Variants in RSRC1 observed in about 807,000 individuals in gnomAD.
RSRC1 encodes the protein arginine and serine rich coiled-coil 1.
Under a neutral mutation model 49.1 loss-of-function variants are expected in RSRC1, and 39 were observed. The observed-to-expected ratio is 0.79, with a 90% CI of 0.61 to 1.04. The LOEUF (loss-of-function observed/expected upper bound fraction) is 1.04, where lower values mean the gene tolerates loss of function less well. Among genes scored for constraint, RSRC1 ranks in the 50% least tolerant of loss-of-function variants. RSRC1 has a pLI of 0.00. For missense variants in RSRC1, 388 were observed against 402.4 expected (o/e 0.96, Z 0.31); for synonymous variants, 143 against 130.8 (o/e 1.09, Z -0.63).
At chr3:158,482,645 A>G (rs1738657540) in intron 7 of RSRC1, among the ~76,000 whole-genome samples, 1 of 152,072 alleles carries the variant, frequency 6.6e-6, no homozygotes, top group African/African-American at 2.4e-5. Flanking sequence ...CTCCAGTGCC[A>G]TAAAAGAAAA....
chr3:158,111,341 G>A (rs1276622450), intron 1 of RSRC1, among the ~76,000 whole-genome samples: 2 of 152,204 alleles, frequency 1.3e-5, no homozygotes, highest in Admixed American at 6.5e-5. Context: ...AATCTGAAAC[G>A]ACAAAAACAG....
intron 7 of RSRC1, among the ~76,000 whole-genome samples, chr3:158,478,648 C>T (rs1167531668): frequency 1.3e-5 from 2 of 151,882 alleles, no homozygotes; most frequent in African/African-American, 4.8e-5. Flanking sequence ...TTATAACCTC[C>T]CCCTCCCTTC....
chr3:158,334,143 AAAG>A (rs1222555031), intron 5 of RSRC1, among the ~76,000 whole-genome samples: 2 of 152,214 alleles, frequency 1.3e-5, no homozygotes, highest in Admixed American at 6.5e-5. Context: ...ATGCTAAATA[AAAG>A]AAGATACTAA....
Position 158,414,019 on chromosome 3 carries a change from G to T in RSRC1, c.584-46916G>T, listed in dbSNP as rs183197043. 1.5e-3 allele frequency among the ~76,000 whole-genome samples: 234 copies of T among 151,810 alleles called. 1 individual carries two copies. Among genetic ancestry groups the T allele is most frequent in the African/African-American group, 5.5e-3 (226 of 41,396 alleles). ...CAAAGGAATTACTGGGTATACACTGGGTATATACCCAAAAGAATATAAATT... is the reference window on the plus strand; with the variant it reads ...CAAAGGAATTACTGGGTATACACTGTGTATATACCCAAAAGAATATAAATT... On this transcript the variant is annotated intron_variant, in intron 6 of 9. Transcript: ENST00000611884.
chr3:158,155,949 G>C (rs538959563), intron 3 of RSRC1, among the ~76,000 whole-genome samples: 1 of 152,218 alleles, frequency 6.6e-6, no homozygotes, highest in East Asian at 1.9e-4. Flanking sequence ...TTTTAAAGTC[G>C]CCAGGTGGGT....
intron 5 of RSRC1, among the ~76,000 whole-genome samples, chr3:158,353,596 C>G (rs983653685): frequency 6.6e-6 from 1 of 152,206 alleles, no homozygotes; most frequent in Non-Finnish European, 1.5e-5. Context: ...TCATCTACCA[C>G]TCTTCCATCT....
intron 4 of RSRC1, among the ~76,000 whole-genome samples, chr3:158,266,214 T>G (rs1249485795): frequency 1.3e-5 from 2 of 152,156 alleles, no homozygotes; most frequent in African/African-American, 4.8e-5. Flanking sequence ...TTCTTTTTCA[T>G]CATTTTTTCT....
intron 3 of RSRC1, among the ~76,000 whole-genome samples, chr3:158,201,904 A>G (rs1317023124): frequency 6.6e-6 from 1 of 152,158 alleles, no homozygotes; most frequent in African/African-American, 2.4e-5. Context: ...TTTATCCTGG[A>G]CAAAGTGAAT....
chr3:158,453,955 A>AT (rs1408099130), intron 6 of RSRC1, among the ~76,000 whole-genome samples: 1 of 152,098 alleles, frequency 6.6e-6, no homozygotes, highest in African/African-American at 2.4e-5. Flanking sequence ...TTGATTAAAT[A>AT]TAAACTATTC....
chr3:158,423,257 G>A (rs910051677), intron 6 of RSRC1, among the ~76,000 whole-genome samples: 3 of 152,200 alleles, frequency 2.0e-5, no homozygotes, highest in South Asian at 2.1e-4. Context: ...TTTTGTATAA[G>A]GTGTAAGGAA....
chr3:158,258,509 A>C (rs1396494964), intron 4 of RSRC1, among the ~76,000 whole-genome samples: 1 of 151,908 alleles, frequency 6.6e-6, no homozygotes, highest in East Asian at 1.9e-4. Context: ...TTTGATTATT[A>C]AATGTCTTGA....
At chr3:158,402,381 A>G (rs1408360795) in intron 6 of RSRC1, among the ~76,000 whole-genome samples, 1 of 151,830 alleles carries the variant, frequency 6.6e-6, no homozygotes, top group Admixed American at 6.6e-5. Context: ...ACTGGCAATG[A>G]TCTGAAGAGA....
intron 4 of RSRC1, among the ~76,000 whole-genome samples, chr3:158,270,097 T>G (rs951628181): frequency 1.3e-5 from 2 of 152,116 alleles, no homozygotes; most frequent in Non-Finnish European, 2.9e-5. Flanking sequence ...GGTTGCTTGT[T>G]GGAACCCGCT....
chr3:158,388,370 C>A (rs1240355424), intron 6 of RSRC1, among the ~76,000 whole-genome samples: 1 of 151,828 alleles, frequency 6.6e-6, no homozygotes, highest in Non-Finnish European at 1.5e-5. Context: ...TGTACTGTAA[C>A]CATTTTCAAG....
chr3:158,388,785 AT>A, intron 6 of RSRC1, among the ~76,000 whole-genome samples: 1 of 151,936 alleles, frequency 6.6e-6, no homozygotes, highest in South Asian at 2.1e-4. Flanking sequence ...AATTTTTTGT[AT>A]TTTTAGTAGA....
chr3:158,514,179 T>A (rs1324281191), intron 7 of RSRC1, among the ~76,000 whole-genome samples: 1 of 152,202 alleles, frequency 6.6e-6, no homozygotes, highest in African/African-American at 2.4e-5. Context: ...TGTTTCCTCT[T>A]GCTTTTCTTG....
At chr3:158,411,438 T>C (rs1260824676) in intron 6 of RSRC1, among the ~76,000 whole-genome samples, 1 of 152,152 alleles carries the variant, frequency 6.6e-6, no homozygotes, top group African/African-American at 2.4e-5. Flanking sequence ...TTCCCATTGC[T>C]CTGCCTTCTC....
chr3:158,543,790 GTGTT>G (rs1424873797), intron 9 of RSRC1: 5 of 305,626 alleles, frequency 1.6e-5, no homozygotes, highest in Admixed American at 9.7e-5. Flanking sequence ...ACCATGAGAA[GTGTT>G]TGTTTAAAAA....
intron 6 of RSRC1, among the ~76,000 whole-genome samples, chr3:158,423,224 T>C (rs948987127): frequency 6.6e-6 from 1 of 152,150 alleles, no homozygotes; most frequent in African/African-American, 2.4e-5. Context: ...AACGTTTAAG[T>C]CTTTAATCTA....
Sources: allele counts gnomAD v4.1 joint callset (sites outside exome capture counted in the v4.1 genomes callset), GRCh38; gene constraint gnomAD v4.1.1; transcripts MANE v1.5; gene names NCBI Gene and HGNC (gene_info 2026-07-23, HGNC 2026-07-21).